Variants in PHEX observed in about 807,000 individuals in gnomAD.
PHEX encodes phosphate-regulating neutral endopeptidase PHEX.
Under a neutral mutation model 68.0 loss-of-function variants are expected in PHEX, and 16 were observed. The ratio of observed to expected loss-of-function variants is 0.24; its 90% CI spans 0.16 to 0.36. PHEX has a LOEUF of 0.36. Ranked by LOEUF, PHEX falls within the 10% of genes least tolerant of loss-of-function variation. The probability of loss-of-function intolerance (pLI) is 1.00; values close to 1 mark genes in which losing one functional copy is unlikely to be tolerated. For missense variants in PHEX, 480 were observed against 575.5 expected (o/e 0.83, Z 1.70); for synonymous variants, 208 against 205.1 (o/e 1.01, Z -0.12).
chrX:22,190,939 G>A (rs1444001540), intron 15 of PHEX, among the ~76,000 whole-genome samples: 1 of 111,452 alleles, frequency 9.0e-6, no homozygotes. Context: ...ATTAACGCTA[G>A]GAAGTTATGT....
intron 5 of PHEX, among the ~76,000 whole-genome samples, chrX:22,082,902 C>A (rs754954069): frequency 8.9e-6 from 1 of 112,121 alleles, no homozygotes; most frequent in East Asian, 2.8e-4. Flanking sequence ...ATAGCCAAAG[C>A]AATCCTAAGC....
At chrX:22,071,418 AT>A (rs988294958) in intron 3 of PHEX, among the ~76,000 whole-genome samples, 3 of 111,477 alleles carry the variant, frequency 2.7e-5, no homozygotes, top group African/African-American at 9.8e-5. Flanking sequence ...CCAGCTTCTC[AT>A]AGTTCTTTTT....
chrX:22,072,612 A>C (rs1243499125), intron 3 of PHEX, among the ~76,000 whole-genome samples: 1 of 111,749 alleles, frequency 8.9e-6, no homozygotes, highest in Non-Finnish European at 1.9e-5. Context: ...TTCAAAAAGG[A>C]CTCGTACGTA....
intron 9 of PHEX, among the ~76,000 whole-genome samples, chrX:22,103,355 G>T (rs907513466): frequency 1.8e-5 from 2 of 110,507 alleles, no homozygotes; most frequent in Non-Finnish European, 3.8e-5. Context: ...GTGTTTGGTT[G>T]CATGGAAAAA....
intron 3 of PHEX, among the ~76,000 whole-genome samples, chrX:22,050,707 G>C (rs1292780183): frequency 1.8e-5 from 2 of 109,604 alleles, no homozygotes; most frequent in African/African-American, 3.3e-5. Flanking sequence ...TTGTTTGTTT[G>C]TTTTAGATAG....
intron 16 of PHEX, among the ~76,000 whole-genome samples, chrX:22,218,190 ACTT>A (rs1414167265): frequency 9.0e-6 from 1 of 110,746 alleles, no homozygotes; most frequent in Non-Finnish European, 1.9e-5. Flanking sequence ...GTGTAGTTGA[ACTT>A]CTTTGCAAGT....
intron 12 of PHEX, among the ~76,000 whole-genome samples, chrX:22,167,508 TG>T (rs60550515): frequency 0.079 from 7,757 of 98,416 alleles, 627 homozygotes; most frequent in African/African-American, 0.16. Flanking sequence ...TTTTTTTTTT[TG>T]GAGACAGGGT....
intron 12 of PHEX, among the ~76,000 whole-genome samples, chrX:22,143,833 G>A (rs1932566788): frequency 8.9e-6 from 1 of 112,286 alleles, no homozygotes; most frequent in Non-Finnish European, 1.9e-5. Flanking sequence ...GATCTTTCCT[G>A]TCTTCTCTGA....
chrX:22,117,754 G>C (rs1291214473), intron 11 of PHEX, among the ~76,000 whole-genome samples: 1 of 111,028 alleles, frequency 9.0e-6, no homozygotes, highest in East Asian at 2.8e-4. Flanking sequence ...CCCTTATTTT[G>C]ATGTACGTGG....
At position 22,101,382 on chromosome X, in the gene PHEX, C is replaced by T. The variant is rs185744994; in HGVS notation, c.1079+2231C>T. 1.3e-3 allele frequency among the ~76,000 whole-genome samples: 150 copies of T among 111,809 alleles called. 1 individual carries two copies. The highest frequency in any genetic ancestry group is 4.6e-3 in the African/African-American group (141 of 30,785). ...TTGATGATCGTGTTTAATCACCACT[C>T]GTGTAGCATTACAGGGCTACTTGAG... On this transcript the variant is annotated intron_variant, in intron 9 of 21. Coordinates refer to ENST00000379374, the MANE Select transcript of PHEX (RefSeq NM_000444.6).
intron 8 of PHEX, among the ~76,000 whole-genome samples, chrX:22,098,624 T>TA (rs1445237870): frequency 7.6e-5 from 6 of 79,289 alleles, no homozygotes; most frequent in Non-Finnish European, 1.4e-4. Context: ...CCACCTCTAC[T>TA]AAAAATACAA....
intron 5 of PHEX, among the ~76,000 whole-genome samples, chrX:22,089,061 A>G (rs1165634240): frequency 5.3e-5 from 6 of 112,357 alleles, no homozygotes; most frequent in African/African-American, 1.9e-4. Flanking sequence ...ACACTCTGTC[A>G]CCCAGGCTGG....
Position 22,133,501 on chromosome X carries a change from C to T in PHEX, c.1303-22C>T, listed in dbSNP as rs772286721. The T allele has an allele frequency of 6.9e-6, 8 of 1,158,344 alleles. No individual in the cohort carries two copies. In the South Asian group the frequency reaches 7.2e-5, roughly 10 times the overall value. On this transcript the variant is annotated intron_variant, in intron 11 of 21. Transcript: ENST00000379374. ...TGAAGCTTCTTGGCTTTGACGTTCC[C>T]TCTTTGGGTATTTTCTTGTAGATGG...
At chrX:22,187,435 G>A (rs1179441340) in intron 14 of PHEX, among the ~76,000 whole-genome samples, 1 of 111,606 alleles carries the variant, frequency 9.0e-6, no homozygotes, top group Non-Finnish European at 1.9e-5. Context: ...CCTCCTCTCC[G>A]ACTTCCTCCT....
At chrX:22,048,537 G>A (rs977300939) in intron 3 of PHEX, among the ~76,000 whole-genome samples, 5 of 111,405 alleles carry the variant, frequency 4.5e-5, no homozygotes, top group African/African-American at 6.5e-5. Flanking sequence ...TGAAAGATAA[G>A]AAAACTACAA....
intron 9 of PHEX, among the ~76,000 whole-genome samples, chrX:22,102,388 G>A (rs1033656089): frequency 1.8e-5 from 2 of 112,163 alleles, no homozygotes; most frequent in Non-Finnish European, 3.8e-5. Flanking sequence ...TCATGTTTCT[G>A]GAAATGACAG....
chrX:22,225,162 C>G (rs761592193), intron 18 of PHEX, among the ~76,000 whole-genome samples: 4 of 107,482 alleles, frequency 3.7e-5, no homozygotes, highest in Non-Finnish European at 7.7e-5. Flanking sequence ...CAGCACTGGC[C>G]GGTGGAGTCT....
chrX:22,176,440 ATTTCT>A, intron 13 of PHEX, among the ~76,000 whole-genome samples: 1 of 102,570 alleles, frequency 9.7e-6, no homozygotes, highest in Middle Eastern at 5.2e-3. Flanking sequence ...TGTATATATG[ATTTCT>A]TTTTATTATG....
intron 2 of PHEX, among the ~76,000 whole-genome samples, chrX:22,039,627 G>C (rs1244447508): frequency 8.9e-6 from 1 of 112,437 alleles, no homozygotes; most frequent in Admixed American, 9.4e-5. Context: ...TAGGGCATTA[G>C]GGTGTGGAGA....
Sources: gnomAD v4.1 joint callset for allele counts (sites outside exome capture counted in the v4.1 genomes callset) on GRCh38, gnomAD v4.1.1 for gene constraint, MANE v1.5 for transcripts, NCBI Gene and HGNC (gene_info 2026-07-23, HGNC 2026-07-21) for gene names.